Variants in PRIMPOL observed in about 807,000 individuals in gnomAD.
PRIMPOL encodes the protein primase and DNA directed polymerase, also known as DNA-directed primase/polymerase protein.
In PRIMPOL, 54 loss-of-function variants were observed where a neutral mutation model predicts 63.6. The observed-to-expected ratio is 0.85, with a 90% CI of 0.68 to 1.07. PRIMPOL has a LOEUF of 1.07. Among genes scored for constraint, PRIMPOL ranks in the 50% least tolerant of loss-of-function variants. PRIMPOL has a pLI of 0.00. For missense variants in PRIMPOL, 610 were observed against 648.3 expected (o/e 0.94, Z 0.64); for synonymous variants, 197 against 220.2 (o/e 0.89, Z 0.93).
At chr4:184,685,353 A>T in intron 9 of PRIMPOL, 56 bp from the exon 10 acceptor site, 1 of 1,316,482 alleles carries the variant, frequency 7.6e-7, no homozygotes, top group Non-Finnish European at 1.1e-6. Context: ...TTTAATCAAA[A>T]TTTAACTTCT....
At chr4:184,674,401 T>C (rs371864037) in intron 7 of PRIMPOL, among the ~76,000 whole-genome samples, 2 of 152,292 alleles carry the variant, frequency 1.3e-5, no homozygotes, top group African/African-American at 4.8e-5. Context: ...AGATTACCAT[T>C]ACCCCCAACT....
Position 184,682,239 on chromosome 4 carries a change from C to T in PRIMPOL, c.1008-9C>T. Reference sequence around the variant, plus strand: ...GGTGCTTTGTTTCTTTTACCTATTTCTTCTTCAGGTTCTCAGATACTTTAC... The same window carrying T: ...GGTGCTTTGTTTCTTTTACCTATTTTTTCTTCAGGTTCTCAGATACTTTAC... On this transcript the variant is annotated splice_polypyrimidine_tract_variant and intron_variant, in intron 8 of 13. Coordinates refer to ENST00000314970, the MANE Select transcript of PRIMPOL (RefSeq NM_152683.4). 1 of 1,509,216 alleles carries T rather than the reference C, an allele frequency of 6.6e-7. No homozygotes were observed. Among genetic ancestry groups the T allele is most frequent in the Non-Finnish European group, 9.2e-7 (1 of 1,088,430 alleles). 93.5% of individuals were successfully genotyped at this position (1,509,216 alleles called of 1,614,324 possible).
At chr4:184,694,213 G>C in intron 13 of PRIMPOL, 1 of 1,076,052 alleles carries the variant, frequency 9.3e-7, no homozygotes, top group Non-Finnish European at 1.1e-6. Context: ...TCTTCAGCTG[G>C]ACTGTCCACT....
chr4:184,668,221 C>A (rs1750611730), intron 6 of PRIMPOL, among the ~76,000 whole-genome samples: 1 of 152,214 alleles, frequency 6.6e-6, no homozygotes, highest in Non-Finnish European at 1.5e-5. Context: ...TTGGCATGTC[C>A]TGTGCTGAGC....
rs139656616 is a variant in PRIMPOL, at chr4:184,694,413, G to GTTATC, written c.1426-108_1426-107insTATCT. On this transcript the variant is annotated intron_variant, in intron 13 of 13. Coordinates refer to ENST00000314970, the MANE Select transcript of PRIMPOL (RefSeq NM_152683.4). ...GCATTCCTCCTGCATATTCACTTTA[G>GTTATC]TATCTGTCACTTAATACCTTACTTC... is the stretch of plus-strand genomic sequence containing the variant. The GTTATC allele has an allele frequency of 4.8e-6, 7 of 1,449,736 alleles. No individual in the cohort carries two copies. The East Asian group carries it at 1.7e-4, about 36-fold the overall frequency. The allele number at this position is 1,449,736 out of a possible 1,614,324, so 89.8% of individuals were successfully genotyped here.
At chr4:184,661,981 T>C in intron 5 of PRIMPOL, 78 bp downstream of exon 5, 1 of 1,326,582 alleles carries the variant, frequency 7.5e-7, no homozygotes, top group Non-Finnish European at 1.0e-6. Context: ...TCAGCCTACA[T>C]AATAGTAGGT....
chr4:184,666,124 C>T, intron 6 of PRIMPOL, 60 bp downstream of exon 6: 1 of 1,346,430 alleles, frequency 7.4e-7, no homozygotes, highest in Non-Finnish European at 1.0e-6. Context: ...TGTTCTTATT[C>T]CTCTTAAAAT....
intron 1 of PRIMPOL, among the ~76,000 whole-genome samples, chr4:184,650,342 C>G (rs958221252): frequency 2.0e-5 from 3 of 152,206 alleles, no homozygotes; most frequent in Non-Finnish European, 2.9e-5. Flanking sequence ...TGGTTTGGGC[C>G]GAGAGGTCCT....
At chr4:184,672,538 C>T (rs1253116814) in intron 7 of PRIMPOL, 78 bp downstream of exon 7, 32 of 1,399,090 alleles carry the variant, frequency 2.3e-5, no homozygotes, top group South Asian at 4.2e-5. Flanking sequence ...CACTCGTCAC[C>T]GTGCTCGGGA....
intron 8 of PRIMPOL, among the ~76,000 whole-genome samples, chr4:184,681,597 T>C (rs1235366945): frequency 6.6e-6 from 1 of 152,120 alleles, no homozygotes; most frequent in Non-Finnish European, 1.5e-5. Flanking sequence ...TTTTTTGAGA[T>C]GGAATCTCAC....
chr4:184,674,587 A>C (rs1319049645), intron 7 of PRIMPOL, among the ~76,000 whole-genome samples: 1 of 152,204 alleles, frequency 6.6e-6, no homozygotes, highest in African/African-American at 2.4e-5. Flanking sequence ...TGCAGATAAA[A>C]ATCGGTGTAT....
At chr4:184,687,394 T>C (rs768134334) in intron 11 of PRIMPOL, among the ~76,000 whole-genome samples, 1 of 151,952 alleles carries the variant, frequency 6.6e-6, no homozygotes, top group Non-Finnish European at 1.5e-5. Context: ...TATACGCACA[T>C]TTTAAAGACT....
chr4:184,669,737 G>T (rs565072972), intron 6 of PRIMPOL, among the ~76,000 whole-genome samples: 1 of 152,198 alleles, frequency 6.6e-6, no homozygotes, highest in African/African-American at 2.4e-5. Context: ...ATAAGAGTGC[G>T]TGGCTCATTT....
intron 5 of PRIMPOL, among the ~76,000 whole-genome samples, chr4:184,663,308 G>A (rs565533514): frequency 1.4e-4 from 21 of 152,232 alleles, no homozygotes; most frequent in Non-Finnish European, 2.9e-4. Flanking sequence ...GCCTCCCAAA[G>A]TGCTGGGATT....
intron 6 of PRIMPOL, among the ~76,000 whole-genome samples, chr4:184,671,475 G>A (rs886700581): frequency 2.0e-5 from 3 of 151,848 alleles, no homozygotes; most frequent in Admixed American, 6.6e-5. Flanking sequence ...ATCTCTTAAG[G>A]GCACGAGAGC....
At chr4:184,691,390 T>G in intron 11 of PRIMPOL, 109 bp from the exon 12 acceptor site, 1 of 675,260 alleles carries the variant, frequency 1.5e-6, no homozygotes. Context: ...CTTTTTAATT[T>G]TTCTCCATCT....
At chr4:184,670,545 ATT>A (rs57234973) in intron 6 of PRIMPOL, among the ~76,000 whole-genome samples, 16 of 136,604 alleles carry the variant, frequency 1.2e-4, no homozygotes, top group Admixed American at 1.5e-4. Flanking sequence ...TAGGAAAGTA[ATT>A]TTTTTTTTTT....
In PRIMPOL at chr4:184,672,148, G is replaced by T. The variant is rs755045895; in HGVS notation, c.557-25G>T. ...TGCGGTGTGTGGAGAAGATCCAGGT[G>T]AATGATAATAGCTTTTTTCCTTAGG... On this transcript the variant is annotated intron_variant, in intron 6 of 13. Coordinates refer to ENST00000314970, the MANE Select transcript of PRIMPOL (RefSeq NM_152683.4). 75 of 1,588,250 alleles carry T rather than the reference G, an allele frequency of 4.7e-5. No individual in the cohort carries two copies. The South Asian group carries it at 8.0e-4, about 17-fold the overall frequency.
chr4:184,678,980 G>C (rs570531105), intron 8 of PRIMPOL, among the ~76,000 whole-genome samples: 1 of 152,036 alleles, frequency 6.6e-6, no homozygotes, highest in South Asian at 2.1e-4. Flanking sequence ...TATCACTTCT[G>C]TAAAGAAGAA....
Sources: allele counts gnomAD v4.1 joint callset (sites outside exome capture counted in the v4.1 genomes callset), GRCh38; gene constraint gnomAD v4.1.1; transcripts MANE v1.5; gene names NCBI Gene and HGNC (gene_info 2026-07-23, HGNC 2026-07-21).